The following NCAM2 variants were observed in gnomAD, a reference collection of about 807,000 sequenced individuals.
The protein encoded by NCAM2 is neural cell adhesion molecule 2.
NCAM2 carries 30 observed loss-of-function variants against 98.1 expected under a neutral mutation model. That is an observed-to-expected ratio of 0.31 (90% CI 0.23 to 0.41). The LOEUF (loss-of-function observed/expected upper bound fraction) is 0.41, where lower values mean the gene tolerates loss of function less well. Among genes scored for constraint, NCAM2 ranks in the 10% least tolerant of loss-of-function variants. NCAM2 has a pLI of 1.00. For synonymous variants in NCAM2, 368 were observed against 342.4 expected, an observed-to-expected ratio of 1.07 and a Z score of -0.83; for missense variants, 867 against 1,005.8, an observed-to-expected ratio of 0.86 and a Z score of 1.87.
intron 1 of NCAM2, among the ~76,000 whole-genome samples, chr21:21,103,480 GA>G (rs5842890): frequency 1 from 152,182 of 152,182 alleles, 76,091 homozygotes; most frequent in Non-Finnish European, 1. Flanking sequence ...ATATGTACTG[GA>G]AGAAATATGT....
chr21:21,022,049 A>G (rs1043081822), intron 1 of NCAM2, among the ~76,000 whole-genome samples: 29 of 152,268 alleles, frequency 1.9e-4, no homozygotes, highest in African/African-American at 7.0e-4. Flanking sequence ...ATAAAGTTAA[A>G]TAAATATCTG....
At chr21:21,239,055 G>A (rs532428205) in intron 1 of NCAM2, among the ~76,000 whole-genome samples, 15 of 152,162 alleles carry the variant, frequency 9.9e-5, no homozygotes, top group African/African-American at 3.4e-4. Context: ...CAATAAACGG[G>A]GGGTGGGGTT....
chr21:21,007,517 T>G (rs1231524087), intron 1 of NCAM2, among the ~76,000 whole-genome samples: 2 of 152,186 alleles, frequency 1.3e-5, no homozygotes, highest in African/African-American at 4.8e-5. Flanking sequence ...GAGTGGTGGA[T>G]CATTCATGAA....
intron 9 of NCAM2, among the ~76,000 whole-genome samples, chr21:21,377,242 T>C (rs2076053678): frequency 6.6e-6 from 1 of 151,790 alleles, no homozygotes; most frequent in Non-Finnish European, 1.5e-5. Context: ...TTTTGACCTA[T>C]GTATACACCA....
At chr21:21,233,105 G>A (rs894014769) in intron 1 of NCAM2, among the ~76,000 whole-genome samples, 9 of 151,434 alleles carry the variant, frequency 5.9e-5, no homozygotes, top group African/African-American at 2.2e-4. Flanking sequence ...ACTTCCTTCT[G>A]TATTAAGTTT....
intron 1 of NCAM2, among the ~76,000 whole-genome samples, chr21:21,100,724 AACC>A (rs2066224669): frequency 1.3e-5 from 2 of 152,038 alleles, no homozygotes; most frequent in African/African-American, 4.8e-5. Context: ...ACTGCCCTTT[AACC>A]CCCTTTCTGT....
At position 21,070,944 on chromosome 21, in the gene NCAM2, G is replaced by C. The variant is rs190346447; in HGVS notation, c.55+72326G>C. On this transcript the variant is annotated intron_variant, in intron 1 of 17. Coordinates refer to ENST00000400546, the MANE Select transcript of NCAM2 (RefSeq NM_004540.5). The stretch of plus-strand genomic sequence containing the variant: ...ATGCCTCTAGGGAGCTTGTAAAATT[G>C]GTAGGATGACAGTAACATTAAACAG... 1.1e-3 allele frequency among the ~76,000 whole-genome samples: 173 copies of C among 152,214 alleles called. 2 individuals carry two copies. The East Asian group carries it at 0.028, about 24-fold the overall frequency.
At chr21:21,444,132 C>A (rs232417) in intron 12 of NCAM2, among the ~76,000 whole-genome samples, 1 of 151,950 alleles carries the variant, frequency 6.6e-6, no homozygotes, top group African/African-American at 2.4e-5. Flanking sequence ...TGATGGATTA[C>A]GTTTATTGAT....
At chr21:21,034,074 G>A (rs140491364) in intron 1 of NCAM2, among the ~76,000 whole-genome samples, 212 of 151,840 alleles carry the variant, frequency 1.4e-3, no homozygotes, top group African/African-American at 4.9e-3. Context: ...AACAAAGATT[G>A]AGATAAGCAG....
At chr21:21,465,501 T>C (rs1009170413) in intron 12 of NCAM2, among the ~76,000 whole-genome samples, 1 of 151,728 alleles carries the variant, frequency 6.6e-6, no homozygotes, top group African/African-American at 2.4e-5. Flanking sequence ...TCACAACAAA[T>C]TCATTAAGTA....
At chr21:21,215,998 TTA>T (rs776064113) in intron 1 of NCAM2, among the ~76,000 whole-genome samples, 7 of 152,188 alleles carry the variant, frequency 4.6e-5, no homozygotes, top group African/African-American at 9.7e-5. Context: ...TAGGCACTGT[TTA>T]AGGAGCTTCA....
chr21:21,026,485 C>T (rs1012351799), intron 1 of NCAM2, among the ~76,000 whole-genome samples: 3 of 151,926 alleles, frequency 2.0e-5, no homozygotes, highest in Non-Finnish European at 4.4e-5. Context: ...ATTAGCTGGG[C>T]GTGGTGGCAG....
At chr21:21,222,966 A>C (rs1040372243) in intron 1 of NCAM2, among the ~76,000 whole-genome samples, 2 of 152,288 alleles carry the variant, frequency 1.3e-5, no homozygotes, top group Admixed American at 6.5e-5. Flanking sequence ...ATCTTCAGTA[A>C]CCACTCTCTG....
chr21:21,254,955 G>C (rs1301393661), intron 1 of NCAM2, among the ~76,000 whole-genome samples: 2 of 44,230 alleles, frequency 4.5e-5, no homozygotes, highest in Admixed American at 2.1e-4. Context: ...ATCTATGTGT[G>C]TGTGTGTGTG....
intron 1 of NCAM2, chr21:21,210,459 T>C (rs2069607643): frequency 8.7e-7 from 1 of 1,144,344 alleles, no homozygotes; most frequent in Admixed American, 2.9e-5. Flanking sequence ...ATGACATATT[T>C]ACTGTAAGAA....
chr21:21,153,172 A>AT (rs1312165507), intron 1 of NCAM2, among the ~76,000 whole-genome samples: 22,042 of 139,526 alleles, frequency 0.16, 1,891 homozygotes, highest in African/African-American at 0.24. Flanking sequence ...AAAATTCACT[A>AT]TTTTTTTTTT....
At chr21:21,116,031 G>C (rs1256469593) in intron 1 of NCAM2, among the ~76,000 whole-genome samples, 1 of 151,646 alleles carries the variant, frequency 6.6e-6, no homozygotes, top group Non-Finnish European at 1.5e-5. Context: ...GTGTGTGTGT[G>C]TGTGTGTGTG....
At chr21:21,387,187 T>TACACACACAC (rs61585220) in intron 9 of NCAM2, among the ~76,000 whole-genome samples, 1,719 of 121,266 alleles carry the variant, frequency 0.014, 19 homozygotes, top group Non-Finnish European at 0.019. Context: ...CACACACACA[T>TACACACACAC]ACACACACAC....
At chr21:21,019,200 G>T (rs1447024495) in intron 1 of NCAM2, among the ~76,000 whole-genome samples, 1 of 152,172 alleles carries the variant, frequency 6.6e-6, no homozygotes, top group Non-Finnish European at 1.5e-5. Flanking sequence ...TCCCAGTTCT[G>T]TTCCATGCTC....
Sources: gnomAD v4.1 joint callset for allele counts (sites outside exome capture counted in the v4.1 genomes callset) on GRCh38, gnomAD v4.1.1 for gene constraint, MANE v1.5 for transcripts, NCBI Gene and HGNC (gene_info 2026-07-23, HGNC 2026-07-21) for gene names.